The following ROBO2 variants were observed in gnomAD, a reference collection of about 807,000 sequenced individuals.
ROBO2 encodes roundabout guidance receptor 2, also known as roundabout homolog 2.
A neutral mutation model predicts 160.8 loss-of-function variants in ROBO2; 53 were observed. The observed-to-expected ratio is 0.33, with a 90% confidence interval of 0.26 to 0.41. The LOEUF (loss-of-function observed/expected upper bound fraction) is 0.41, where lower values mean the gene tolerates loss of function less well. ROBO2 is among the 10% of genes least tolerant of loss of function. ROBO2 has a pLI of 1.00. For missense variants in ROBO2, 1,577 were observed against 1,722.4 expected, an observed-to-expected ratio of 0.92 and a Z score of 1.49; for synonymous variants, 664 against 611.7, an observed-to-expected ratio of 1.09 and a Z score of -1.26.
chr3:77,089,147 G>T (rs1169569864), intron 1 of ROBO2, among the ~76,000 whole-genome samples: 2 of 152,126 alleles, frequency 1.3e-5, no homozygotes, highest in Non-Finnish European at 2.9e-5. Context: ...TCTAGTGCTT[G>T]GGATTTTCTA....
At chr3:76,477,260 T>A (rs2078978452) in intron 2 of ROBO2, among the ~76,000 whole-genome samples, 1 of 152,172 alleles carries the variant, frequency 6.6e-6, no homozygotes, top group African/African-American at 2.4e-5. Context: ...TCATATTCGG[T>A]TAGACCAGGA....
chr3:76,486,461 G>T (rs747920499), intron 2 of ROBO2, among the ~76,000 whole-genome samples: 1 of 152,110 alleles, frequency 6.6e-6, no homozygotes, highest in Non-Finnish European at 1.5e-5. Context: ...TGGTTTAGAT[G>T]CAACACCTAT....
chr3:76,281,907 A>C (rs530166938), intron 2 of ROBO2, among the ~76,000 whole-genome samples: 1 of 151,968 alleles, frequency 6.6e-6, no homozygotes, highest in South Asian at 2.1e-4. Flanking sequence ...TCTCTGGTCT[A>C]CACCCCTCTG....
intron 2 of ROBO2, among the ~76,000 whole-genome samples, chr3:77,362,841 G>A (rs1000541560): frequency 2.0e-5 from 3 of 152,046 alleles, no homozygotes; most frequent in East Asian, 1.9e-4. Context: ...CAGGCAAGGC[G>A]GTGCGTTGAG....
intron 2 of ROBO2, among the ~76,000 whole-genome samples, chr3:77,291,511 T>C (rs1246075907): frequency 6.0e-5 from 9 of 149,036 alleles, no homozygotes; most frequent in African/African-American, 2.0e-4. Context: ...AAAGTAAAAT[T>C]GATGGTTAAA....
chr3:76,198,962 C>A (rs1307378572), intron 2 of ROBO2, among the ~76,000 whole-genome samples: 1 of 152,192 alleles, frequency 6.6e-6, no homozygotes, highest in Non-Finnish European at 1.5e-5. Flanking sequence ...TGTACCCCAA[C>A]TACCTTGGGT....
intron 2 of ROBO2, among the ~76,000 whole-genome samples, chr3:75,996,458 A>T (rs924347417): frequency 1.2e-4 from 18 of 152,182 alleles, no homozygotes; most frequent in Admixed American, 8.5e-4. Flanking sequence ...TGGAACTGTG[A>T]GTCAATTAAA....
intron 2 of ROBO2, among the ~76,000 whole-genome samples, chr3:76,449,008 A>G (rs1025133641): frequency 2.0e-5 from 3 of 152,162 alleles, no homozygotes; most frequent in African/African-American, 7.2e-5. Context: ...AATTGTAAGG[A>G]AAAACGGAAA....
intron 2 of ROBO2, among the ~76,000 whole-genome samples, chr3:76,669,541 G>A (rs1204264804): frequency 6.6e-6 from 1 of 152,108 alleles, no homozygotes; most frequent in East Asian, 1.9e-4. Flanking sequence ...TTCTACTGTT[G>A]TCTCACCTGC....
At chr3:76,580,342 G>GTTTTTTTTTTTTTTTTTTTTTTTTTTTT (rs71101901) in intron 2 of ROBO2, among the ~76,000 whole-genome samples, 1 of 90,562 alleles carries the variant, frequency 1.1e-5, no homozygotes, top group Non-Finnish European at 2.1e-5. Flanking sequence ...TTTTTTTTGT[G>GTTTTTTTTTTTTTTTTTTTTTTTTTTTT]TTTTTTTTTT....
At chr3:77,165,902 C>T (rs1311908036) in intron 2 of ROBO2, among the ~76,000 whole-genome samples, 1 of 152,132 alleles carries the variant, frequency 6.6e-6, no homozygotes, top group Non-Finnish European at 1.5e-5. Flanking sequence ...ATAGAAATTT[C>T]AAAGAGTAAA....
rs1184263066 is a variant in ROBO2, at chr3:76,655,742, G to GAGGAAAGAAGGAAGGAAGGA, written c.110-442252_110-442233dup. On this transcript the variant is annotated intron_variant, in intron 2 of 26. Transcript: ENST00000487694. Reference sequence around the variant, plus strand: ...GAAGGGAGAAAGGGAGGGAGGGAGGGAGGAAAGAAGGAAGGAAGGAAGGAA... The same window carrying GAGGAAAGAAGGAAGGAAGGA: ...GAAGGGAGAAAGGGAGGGAGGGAGGGAGGAAAGAAGGAAGGAAGGAAGGAAAGAAGGAAGGAAGGAAGGAA... 2.3e-3 allele frequency among the ~76,000 whole-genome samples: 324 copies of GAGGAAAGAAGGAAGGAAGGA among 140,650 alleles called. 1 individual carries two copies. The highest frequency in any genetic ancestry group is 8.1e-3 in the African/African-American group (316 of 38,848). 92.3% of individuals were successfully genotyped at this position (140,650 alleles called of 152,430 possible).
At chr3:76,814,749 A>T (rs553390356) in intron 2 of ROBO2, among the ~76,000 whole-genome samples, 1 of 152,248 alleles carries the variant, frequency 6.6e-6, no homozygotes, top group East Asian at 1.9e-4. Context: ...TTCATCTGGT[A>T]GCTGTCTTCA....
intron 2 of ROBO2, among the ~76,000 whole-genome samples, chr3:76,950,902 A>AT (rs1325817224): frequency 6.6e-6 from 1 of 151,828 alleles, no homozygotes; most frequent in African/African-American, 2.4e-5. Context: ...TAATTTTTGT[A>AT]TTTTTTGTAG....
intron 1 of ROBO2, among the ~76,000 whole-genome samples, chr3:77,089,955 T>TAGAC (rs1686384906): frequency 6.6e-6 from 1 of 152,198 alleles, no homozygotes; most frequent in African/African-American, 2.4e-5. Context: ...CTAATCAATG[T>TAGAC]AGACAGCATT....
At chr3:76,204,398 C>T (rs2107276007) in intron 2 of ROBO2, among the ~76,000 whole-genome samples, 1 of 152,234 alleles carries the variant, frequency 6.6e-6, no homozygotes, top group South Asian at 2.1e-4. Flanking sequence ...CATTAACTTA[C>T]AGGTTTGAAT....
At chr3:77,240,369 C>T (rs1045514578) in intron 2 of ROBO2, among the ~76,000 whole-genome samples, 7 of 152,160 alleles carry the variant, frequency 4.6e-5, no homozygotes, top group South Asian at 2.1e-4. Flanking sequence ...CAGTGCCAGT[C>T]GCCCGCTCCG....
chr3:76,277,200 A>G (rs1707976369), intron 2 of ROBO2, among the ~76,000 whole-genome samples: 1 of 151,966 alleles, frequency 6.6e-6, no homozygotes, highest in South Asian at 2.1e-4. Flanking sequence ...ACGTAATAGT[A>G]AAATATATGA....
chr3:77,341,312 A>G (rs1311396874), intron 2 of ROBO2, among the ~76,000 whole-genome samples: 2 of 152,130 alleles, frequency 1.3e-5, no homozygotes, highest in Non-Finnish European at 2.9e-5. Context: ...ACCTTTTCTT[A>G]GTCACAAGGG....
Sources: allele counts gnomAD v4.1 joint callset (sites outside exome capture counted in the v4.1 genomes callset), GRCh38; gene constraint gnomAD v4.1.1; transcripts MANE v1.5; gene names NCBI Gene and HGNC (gene_info 2026-07-23, HGNC 2026-07-21).